The following JPH3 variants were observed in gnomAD, a reference collection of about 807,000 sequenced individuals.
The protein encoded by JPH3 is junctophilin-3.
Under a neutral mutation model 59.6 loss-of-function variants are expected in JPH3, and 11 were observed. The observed-to-expected ratio is 0.18, with a 90% CI of 0.12 to 0.31. JPH3 has a LOEUF of 0.31. Among genes scored for constraint, JPH3 ranks in the 10% least tolerant of loss-of-function variants. The probability of loss-of-function intolerance (pLI) is 1.00; values close to 1 mark genes in which losing one functional copy is unlikely to be tolerated. For missense variants in JPH3, 1,202 were observed against 1,105.7 expected, an observed-to-expected ratio of 1.09 and a Z score of -1.24; for synonymous variants, 673 against 483.6, an observed-to-expected ratio of 1.39 and a Z score of -5.14.
Position 87,689,999 on chromosome 16 carries a change from C to A in JPH3, c.1639C>A (p.Leu547Met). The A allele has an allele frequency of 6.7e-7, 1 of 1,502,264 alleles. No homozygotes were observed. Among genetic ancestry groups the A allele is most frequent in the South Asian group, 1.3e-5 (1 of 76,076 alleles). 93.1% of individuals were successfully genotyped at this position (1,502,264 alleles called of 1,614,324 possible). A position where few individuals can be genotyped will look rare whatever the true frequency, so the allele number is the denominator to read the frequency against. Residue 547 changes from leucine (L) to methionine (M), a missense_variant, in exon 4 of 5, where the codon CTG (leucine) becomes ATG (methionine). Transcript: ENST00000284262. ...GGSRGVRSGA[L>M]RGGLLVDDFR... ...CTCCAGGGGTGTCCGCAGCGGTGCC[C>A]TGCGCGGCGGCCTGCTCGTGGATGA...
At position 87,606,833 on chromosome 16, in the gene JPH3, G is replaced by A. The variant is rs189539455; in HGVS notation, c.382+3305G>A. On this transcript the variant is annotated intron_variant, in intron 1 of 4. Coordinates refer to ENST00000284262, the MANE Select transcript of JPH3 (RefSeq NM_020655.4). ...GTGATCATGTAAATGATGTTAAATA[G>A]CAACATTAGATACTTACTGTCTGCC... Among the ~76,000 whole-genome samples the A allele has an allele frequency of 5.3e-3, 811 of 152,268 alleles. 8 individuals carry two copies. The highest frequency in any genetic ancestry group is 0.033 in the South Asian group (157 of 4,830).
intron 3 of JPH3, among the ~76,000 whole-genome samples, chr16:87,688,058 T>A (rs895426276): frequency 6.6e-6 from 1 of 152,026 alleles, no homozygotes; most frequent in Non-Finnish European, 1.5e-5. Context: ...GTCAGGTGGG[T>A]ACGTGGATGT....
At chr16:87,650,014 G>A (rs1272346811) in intron 2 of JPH3, among the ~76,000 whole-genome samples, 1 of 152,228 alleles carries the variant, frequency 6.6e-6, no homozygotes, top group Non-Finnish European at 1.5e-5. Context: ...GCTGAGAGGA[G>A]GAGAAGGGAT....
chr16:87,675,047 C>T (rs1343515260), intron 2 of JPH3, among the ~76,000 whole-genome samples: 1 of 152,168 alleles, frequency 6.6e-6, no homozygotes, highest in African/African-American at 2.4e-5. Context: ...CACGTGTGAG[C>T]CACAGCGCCT....
At chr16:87,658,375 T>C (rs921275843) in intron 2 of JPH3, among the ~76,000 whole-genome samples, 1 of 150,432 alleles carries the variant, frequency 6.6e-6, no homozygotes, top group African/African-American at 2.5e-5. Context: ...TCTCCCCCTC[T>C]CTTTTTCCCT....
At chr16:87,672,240 C>G (rs2033035892) in intron 2 of JPH3, among the ~76,000 whole-genome samples, 1 of 152,142 alleles carries the variant, frequency 6.6e-6, no homozygotes, top group Non-Finnish European at 1.5e-5. Context: ...GACTCCGTTT[C>G]TAACACGCCG....
At chr16:87,679,202 G>A (rs1052570856) in intron 2 of JPH3, among the ~76,000 whole-genome samples, 6 of 152,132 alleles carry the variant, frequency 3.9e-5, no homozygotes, top group African/African-American at 1.2e-4. Context: ...GGACCTGCCC[G>A]TGGCCTGGAC....
chr16:87,645,209 G>A (rs1309222695), intron 2 of JPH3, among the ~76,000 whole-genome samples, 174 bp downstream of exon 2: 1 of 152,242 alleles, frequency 6.6e-6, no homozygotes, highest in East Asian at 1.9e-4. Flanking sequence ...GAGGTTCTCA[G>A]AGGTGACTGT....
At position 87,603,098 on chromosome 16, in the gene JPH3, GC is replaced by G; in HGVS notation, c.-47del. The G allele has an allele frequency of 6.2e-7, 1 of 1,612,442 alleles. No homozygotes were observed. The highest frequency in any genetic ancestry group is 8.5e-7 in the Non-Finnish European group (1 of 1,179,220). Reference sequence around the variant, plus strand: ...CGGCCGCGACTCTGCTGTGTCGATCGCCTGAGTCCGTTTTCACCGTTTGCGG... The same window carrying G: ...CGGCCGCGACTCTGCTGTGTCGATCGCTGAGTCCGTTTTCACCGTTTGCGG... On this transcript the variant is annotated 5_prime_UTR_variant, in exon 1 of 5. Coordinates refer to ENST00000284262, the MANE Select transcript of JPH3 (RefSeq NM_020655.4).
chr16:87,643,356 G>A (rs978588951), intron 1 of JPH3, among the ~76,000 whole-genome samples: 62 of 152,180 alleles, frequency 4.1e-4, no homozygotes, highest in African/African-American at 1.3e-3. Context: ...GAACCCAGGT[G>A]CACAGGCAGC....
chr16:87,649,953 C>G (rs1009422460), intron 2 of JPH3, among the ~76,000 whole-genome samples: 1 of 152,228 alleles, frequency 6.6e-6, no homozygotes, highest in African/African-American at 2.4e-5. Context: ...GCGTCTCGTG[C>G]AAACGTTGCT....
chr16:87,620,154 C>T (rs891855137), intron 1 of JPH3, among the ~76,000 whole-genome samples: 2 of 152,024 alleles, frequency 1.3e-5, no homozygotes, highest in South Asian at 2.1e-4. Context: ...GCTCTGGGGT[C>T]CCTCAGGCCA....
chr16:87,692,673 G>A (rs189368161), intron 4 of JPH3, among the ~76,000 whole-genome samples: 2 of 152,326 alleles, frequency 1.3e-5, no homozygotes, highest in Admixed American at 1.3e-4. Context: ...CCTTAGGATG[G>A]AAGCACAGGT....
chr16:87,684,242 C>T lies in JPH3; in HGVS notation c.1261C>T (p.Pro421Ser), dbSNP rs1426702461. 3.1e-6 allele frequency: 5 copies of T among 1,613,894 alleles called. No individual in the cohort carries two copies. Among genetic ancestry groups the T allele is most frequent in the African/African-American group, 1.3e-5 (1 of 74,946 alleles). Residue 421 changes from proline (P) to serine (S), a missense_variant, in exon 3 of 5, where the codon CCT becomes TCT. Pro to Ser is a moderately conservative substitution (Grantham distance 74, BLOSUM62 -1). Coordinates refer to ENST00000284262, the MANE Select transcript of JPH3 (RefSeq NM_020655.4). ...CAGGATCACTGCCAAAGAGTTCTCCCCTTCCTTCCAGCACCGGGAAAACGG... is the reference window on the plus strand; with the variant it reads ...CAGGATCACTGCCAAAGAGTTCTCCTCTTCCTTCCAGCACCGGGAAAACGG... Reference protein sequence around the residue: ...IARITAKEFSPSFQHRENGLE... With the variant: ...IARITAKEFSSSFQHRENGLE...
Position 87,690,344 on chromosome 16 carries a change from A to G in JPH3, c.1984A>G (p.Lys662Glu). Residue 662 changes from lysine to glutamate, a missense_variant, in exon 4 of 5, where the codon AAG becomes GAG. By Grantham distance (56) the Lys-to-Glu change is moderately conservative (BLOSUM62 1). Coordinates refer to ENST00000284262, the MANE Select transcript of JPH3 (RefSeq NM_020655.4). ...GAGACTGCGGTCCAAGGCCCAGAAC[A>G]AGGAGAACTTCAGGCCGGCCTCCTC... ...VQRLRSKAQN[K>E]ENFRPASSAE... 2 of 1,573,454 alleles carry G rather than the reference A, an allele frequency of 1.3e-6. No individual in the cohort carries two copies. Among genetic ancestry groups the G allele is most frequent in the Non-Finnish European group, 1.7e-6 (2 of 1,161,560 alleles).
chr16:87,658,749 G>C (rs2032595808), intron 2 of JPH3, among the ~76,000 whole-genome samples: 1 of 152,180 alleles, frequency 6.6e-6, no homozygotes, highest in Non-Finnish European at 1.5e-5. Flanking sequence ...CCTTTCCTAA[G>C]CCCCTCTCTC....
intron 1 of JPH3, among the ~76,000 whole-genome samples, chr16:87,613,297 C>G (rs1265238898): frequency 6.6e-6 from 1 of 151,572 alleles, no homozygotes; most frequent in Non-Finnish European, 1.5e-5. Flanking sequence ...GACGGGGTTT[C>G]ACCGTGTTAG....
chr16:87,695,673 G>A (rs1567621184), intron 4 of JPH3: 1 of 455,892 alleles, frequency 2.2e-6, no homozygotes. Context: ...GTATCTGTAG[G>A]GCAGCACCCA....
chr16:87,655,443 T>G (rs1346180010), intron 2 of JPH3, among the ~76,000 whole-genome samples: 1 of 152,166 alleles, frequency 6.6e-6, no homozygotes, highest in African/African-American at 2.4e-5. Flanking sequence ...AGCCTCGATC[T>G]CCTGAGCTCA....
Sources: allele counts gnomAD v4.1 joint callset (sites outside exome capture counted in the v4.1 genomes callset), GRCh38; gene constraint gnomAD v4.1.1; transcripts MANE v1.5; gene names NCBI Gene and HGNC (gene_info 2026-07-23, HGNC 2026-07-21).